Variants in RIMS2 observed in about 807,000 individuals in gnomAD.
RIMS2 encodes the protein regulating synaptic membrane exocytosis 2, also known as regulating synaptic membrane exocytosis protein 2.
RIMS2 carries 59 observed loss-of-function variants against 174.4 expected under a neutral mutation model. The ratio of observed to expected loss-of-function variants is 0.34; its 90% CI spans 0.27 to 0.42. The LOEUF (loss-of-function observed/expected upper bound fraction) is 0.42. Ranked by LOEUF, RIMS2 falls within the 10% of genes least tolerant of loss-of-function variation. The pLI, the probability that RIMS2 is intolerant of heterozygous loss-of-function variation, is 1.00. For missense variants in RIMS2, 1,620 were observed against 1,666.3 expected (o/e 0.97, Z 0.48); for synonymous variants, 606 against 572.5 (o/e 1.06, Z -0.84).
intron 11 of RIMS2, among the ~76,000 whole-genome samples, chr8:103,929,512 T>G (rs1276706125): frequency 6.7e-6 from 1 of 150,312 alleles, no homozygotes; most frequent in African/African-American, 2.5e-5. Context: ...AATTGCAGAA[T>G]TTTTTTTTCC....
At chr8:103,778,647 A>G (rs1321361651) in intron 3 of RIMS2, among the ~76,000 whole-genome samples, 1 of 152,130 alleles carries the variant, frequency 6.6e-6, no homozygotes, top group Admixed American at 6.5e-5. Flanking sequence ...TTATCTGTTT[A>G]TCCATTGATA....
chr8:104,001,416 A>G (rs932226812), intron 17 of RIMS2, among the ~76,000 whole-genome samples: 6 of 151,992 alleles, frequency 3.9e-5, no homozygotes, highest in African/African-American at 1.4e-4. Context: ...CAATTTTGCT[A>G]CATATAAATG....
rs117514400 is a variant in RIMS2, at chr8:103,810,299, G to A, written c.698+43762G>A. On this transcript the variant is annotated intron_variant, in intron 3 of 23. Transcript: ENST00000504942. ...CTGGGCTATGCTGACAAGGAAGGTG[G>A]GCAGGGAAAGATAAAAAAGAAAGAA... 4.9e-3 allele frequency among the ~76,000 whole-genome samples: 745 copies of A among 152,180 alleles called. 2 individuals carry two copies. The highest frequency in any genetic ancestry group is 9.3e-3 in the South Asian group (45 of 4,822).
chr8:103,975,449 G>A (rs1344410877), exon 16 of RIMS2: 5 of 1,612,800 alleles, frequency 3.1e-6, no homozygotes, highest in East Asian at 4.5e-5. Context: ...TCTCCTCATC[G>A]AGTAGATGTT....
At chr8:103,876,885 TATATATATATATATATATATATATACAC>T (rs2099142088) in intron 3 of RIMS2, among the ~76,000 whole-genome samples, 1 of 46,350 alleles carries the variant, frequency 2.2e-5, no homozygotes, top group Non-Finnish European at 5.6e-5. Flanking sequence ...TATATATATA[TATATATATATATATATATATATATACAC>T]ACACACCCCC....
At chr8:103,885,910 G>A (rs768026358) in exon 4 of RIMS2, 14 of 1,612,842 alleles carry the variant, frequency 8.7e-6, no homozygotes, top group South Asian at 5.5e-5. Flanking sequence ...CTACCCCCAG[G>A]AGGAGTCCAC....
chr8:103,640,577 G>T (rs2096207705), intron 1 of RIMS2, among the ~76,000 whole-genome samples: 1 of 151,888 alleles, frequency 6.6e-6, no homozygotes, highest in Admixed American at 6.6e-5. Context: ...CTTTCATTTA[G>T]TTAAGCATAT....
intron 19 of RIMS2, among the ~76,000 whole-genome samples, chr8:104,191,246 G>A (rs1025991247): frequency 1.1e-4 from 17 of 151,974 alleles, no homozygotes; most frequent in Non-Finnish European, 2.2e-4. Context: ...AGTCTTAGTT[G>A]TATAAAGATT....
chr8:104,086,463 G>A (rs2097539365), intron 19 of RIMS2, among the ~76,000 whole-genome samples: 1 of 151,968 alleles, frequency 6.6e-6, no homozygotes, highest in Admixed American at 6.6e-5. Context: ...GAAATCGATA[G>A]AAGTAAATTA....
intron 19 of RIMS2, among the ~76,000 whole-genome samples, chr8:104,101,300 T>C (rs1399815147): frequency 6.6e-6 from 1 of 151,690 alleles, no homozygotes; most frequent in East Asian, 1.9e-4. Flanking sequence ...CCAATTTTTA[T>C]ATTTTTAGTA....
intron 1 of RIMS2, chr8:103,568,936 C>T: frequency 1.2e-6 from 1 of 813,278 alleles, no homozygotes; most frequent in Non-Finnish European, 2.1e-6. Flanking sequence ...CAAAACTGAT[C>T]TGAAAGCGAG....
At chr8:104,167,543 T>C (rs2098805164) in intron 19 of RIMS2, among the ~76,000 whole-genome samples, 1 of 152,208 alleles carries the variant, frequency 6.6e-6, no homozygotes, top group East Asian at 1.9e-4. Context: ...CTTGCTGATT[T>C]GTTTGAGCTC....
At chr8:104,225,701 A>G (rs1039810704) in intron 19 of RIMS2, among the ~76,000 whole-genome samples, 1 of 152,218 alleles carries the variant, frequency 6.6e-6, no homozygotes, top group Admixed American at 6.5e-5. Flanking sequence ...TCCTACATCT[A>G]CACATGGAAA....
At chr8:104,047,878 T>A (rs1041028359) in intron 19 of RIMS2, among the ~76,000 whole-genome samples, 1 of 152,130 alleles carries the variant, frequency 6.6e-6, no homozygotes, top group Non-Finnish European at 1.5e-5. Flanking sequence ...AGCAAGAGCA[T>A]TGAAATCAGA....
intron 14 of RIMS2, among the ~76,000 whole-genome samples, chr8:103,950,922 G>C (rs923207081): frequency 1.3e-5 from 2 of 152,114 alleles, no homozygotes; most frequent in Non-Finnish European, 2.9e-5. Context: ...CAAGGTTACT[G>C]GATATAAGAT....
intron 19 of RIMS2, among the ~76,000 whole-genome samples, chr8:104,141,358 G>A (rs1434456730): frequency 6.6e-6 from 1 of 152,088 alleles, no homozygotes; most frequent in African/African-American, 2.4e-5. Flanking sequence ...AGACTAAAGA[G>A]TTTAAATAAA....
chr8:103,995,187 G>A (rs555415996), intron 17 of RIMS2, among the ~76,000 whole-genome samples: 1 of 152,120 alleles, frequency 6.6e-6, no homozygotes, highest in East Asian at 1.9e-4. Flanking sequence ...GGCTCATCGT[G>A]AAAACAGTAT....
At chr8:103,645,884 A>G (rs1289860047) in intron 1 of RIMS2, among the ~76,000 whole-genome samples, 1 of 152,208 alleles carries the variant, frequency 6.6e-6, no homozygotes, top group African/African-American at 2.4e-5. Context: ...AGACCACCAA[A>G]CAGGCTTTCT....
chr8:103,539,876 C>G, intron 1 of RIMS2, among the ~76,000 whole-genome samples: 1 of 152,232 alleles, frequency 6.6e-6, no homozygotes, highest in East Asian at 1.9e-4. Flanking sequence ...GGAGCCATTG[C>G]CATAGTGAGT....
Sources: gnomAD v4.1 joint callset for allele counts (sites outside exome capture counted in the v4.1 genomes callset) on GRCh38, gnomAD v4.1.1 for gene constraint, MANE v1.5 for transcripts, NCBI Gene and HGNC (gene_info 2026-07-23, HGNC 2026-07-21) for gene names.